The following EXOC6 variants were observed in gnomAD, a reference collection of about 807,000 sequenced individuals.
The protein encoded by EXOC6 is exocyst complex component 6.
EXOC6 carries 60 observed loss-of-function variants against 112.5 expected under a neutral mutation model. The ratio of observed to expected loss-of-function variants is 0.53; its 90% confidence interval spans 0.43 to 0.66. The LOEUF (loss-of-function observed/expected upper bound fraction) is 0.66, where lower values mean the gene tolerates loss of function less well. Ranked by LOEUF, EXOC6 falls within the 30% of genes least tolerant of loss-of-function variation. EXOC6 has a pLI of 0.00. For synonymous variants in EXOC6, 295 were observed against 308.0 expected (o/e 0.96, Z 0.44); for missense variants, 855 against 957.1 (o/e 0.89, Z 1.41).
In EXOC6 at chr10:92,971,531, C is replaced by T. The variant is rs1019385099; in HGVS notation, c.1774-2522C>T. Among the ~76,000 whole-genome samples the T allele has an allele frequency of 7.9e-5, 12 of 152,008 alleles. No homozygotes were observed. In the East Asian group the frequency reaches 1.7e-3, roughly 22 times the overall value. On this transcript the variant is annotated intron_variant, in intron 17 of 21. Coordinates refer to ENST00000260762, the MANE Select transcript of EXOC6 (RefSeq NM_019053.6). ...CTGGGATTACAGGCACACACCACCA[C>T]GTGTGGCTAATTTTTTGTATTTTTA...
intron 5 of EXOC6, among the ~76,000 whole-genome samples, chr10:92,908,120 C>G (rs1041536521): frequency 1.6e-5 from 2 of 125,002 alleles, no homozygotes; most frequent in Admixed American, 2.1e-4. Flanking sequence ...AATGCAGTTG[C>G]ACGATCTCAC....
At chr10:92,849,293 T>C (rs1847212224) in intron 1 of EXOC6, among the ~76,000 whole-genome samples, 1 of 152,236 alleles carries the variant, frequency 6.6e-6, no homozygotes. Flanking sequence ...GGATCTAAGC[T>C]GCTTTGGAGG....
At chr10:92,883,720 A>G (rs1305745369) in intron 1 of EXOC6, among the ~76,000 whole-genome samples, 3 of 152,184 alleles carry the variant, frequency 2.0e-5, no homozygotes, top group Non-Finnish European at 4.4e-5. Context: ...GCAATTTTTT[A>G]TTGATAGAAA....
chr10:92,857,727 A>C (rs1847670939), intron 1 of EXOC6, among the ~76,000 whole-genome samples: 1 of 152,206 alleles, frequency 6.6e-6, no homozygotes, highest in Non-Finnish European at 1.5e-5. Flanking sequence ...AGAAATGAGA[A>C]GTATGCATTT....
At chr10:92,955,493 CT>C in intron 16 of EXOC6, 86 bp from the exon 17 acceptor site, 1 of 1,062,358 alleles carries the variant, frequency 9.4e-7, no homozygotes, top group Non-Finnish European at 1.4e-6. Context: ...GGTACAGTTG[CT>C]GGAAGTAATA....
At chr10:93,031,479 G>A (rs1845267217) in intron 20 of EXOC6, among the ~76,000 whole-genome samples, 1 of 148,944 alleles carries the variant, frequency 6.7e-6, no homozygotes, top group South Asian at 2.1e-4. Context: ...TGTAGTCCAT[G>A]CGTTTTCTTT....
At chr10:93,037,156 T>G (rs1731890173) in intron 20 of EXOC6, among the ~76,000 whole-genome samples, 1 of 151,894 alleles carries the variant, frequency 6.6e-6, no homozygotes, top group Non-Finnish European at 1.5e-5. Flanking sequence ...TTTTTTTTTT[T>G]TTTTTGGAGA....
chr10:92,917,602 A>G (rs1459617797), intron 7 of EXOC6, among the ~76,000 whole-genome samples: 5 of 150,460 alleles, frequency 3.3e-5, no homozygotes, highest in Non-Finnish European at 7.4e-5. Context: ...ATAGCTCACT[A>G]CAGCCTGCAA....
intron 19 of EXOC6, among the ~76,000 whole-genome samples, chr10:93,008,447 TA>T (rs141614514): frequency 7.2e-5 from 11 of 152,162 alleles, no homozygotes; most frequent in East Asian, 3.9e-4. Context: ...GACACCATAA[TA>T]GGGGGGGAAG....
At chr10:92,956,361 A>C (rs1390272858) in intron 17 of EXOC6, among the ~76,000 whole-genome samples, 1 of 152,116 alleles carries the variant, frequency 6.6e-6, no homozygotes, top group Non-Finnish European at 1.5e-5. Flanking sequence ...CTGATCACTT[A>C]TCTGTAAAAT....
chr10:92,951,448 G>T (rs1853407190), intron 14 of EXOC6, among the ~76,000 whole-genome samples: 1 of 152,150 alleles, frequency 6.6e-6, no homozygotes, highest in Admixed American at 6.5e-5. Flanking sequence ...TATGAAGTAG[G>T]AGTGGGTCAA....
chr10:92,876,377 T>A (rs1848687376), intron 1 of EXOC6, among the ~76,000 whole-genome samples: 1 of 152,212 alleles, frequency 6.6e-6, no homozygotes, highest in Non-Finnish European at 1.5e-5. Context: ...ACCATTGTTA[T>A]ACCCATTTGC....
At chr10:92,881,675 A>G (rs957733302) in intron 1 of EXOC6, among the ~76,000 whole-genome samples, 1 of 152,112 alleles carries the variant, frequency 6.6e-6, no homozygotes, top group African/African-American at 2.4e-5. Context: ...GCAGAGTATC[A>G]GCGATATGGT....
chr10:92,907,074 A>G (rs1850484989), intron 5 of EXOC6, among the ~76,000 whole-genome samples: 1 of 152,146 alleles, frequency 6.6e-6, no homozygotes, highest in African/African-American at 2.4e-5. Flanking sequence ...TAAACTTTCT[A>G]TATATCTTCA....
chr10:92,901,509 A>G (rs1291506025), intron 5 of EXOC6: 1 of 151,650 alleles, frequency 6.6e-6, no homozygotes, highest in Non-Finnish European at 1.5e-5. Context: ...TTGATGCACA[A>G]ATTGTTTCAA....
chr10:92,963,460 A>G (rs979489051), intron 17 of EXOC6, among the ~76,000 whole-genome samples: 4 of 152,028 alleles, frequency 2.6e-5, no homozygotes, highest in African/African-American at 9.7e-5. Context: ...TGACCTGCGT[A>G]CTTTAGAACT....
intron 1 of EXOC6, among the ~76,000 whole-genome samples, chr10:92,869,558 A>G: frequency 6.6e-6 from 1 of 152,046 alleles, no homozygotes; most frequent in Non-Finnish European, 1.5e-5. Context: ...GATCCTCCTT[A>G]CTTGGCCTCC....
At chr10:92,833,033 G>A (rs536760293), upstream of EXOC6, among the ~76,000 whole-genome samples, 1 of 152,300 alleles carries the variant, frequency 6.6e-6, no homozygotes, top group South Asian at 2.1e-4. Flanking sequence ...TTGGGAAATG[G>A]TGTGAGCCAT....
At chr10:92,849,056 G>A (rs1364804932) in intron 1 of EXOC6, among the ~76,000 whole-genome samples, 1 of 152,102 alleles carries the variant, frequency 6.6e-6, no homozygotes, top group East Asian at 1.9e-4. Context: ...CAGGCACCCG[G>A]CGTGACGGAG....
Sources: allele counts gnomAD v4.1 joint callset (sites outside exome capture counted in the v4.1 genomes callset), GRCh38; gene constraint gnomAD v4.1.1; transcripts MANE v1.5; gene names NCBI Gene and HGNC (gene_info 2026-07-23, HGNC 2026-07-21).